ARL8B: variants seen among roughly 807,000 people sequenced by gnomAD.
ARL8B encodes the protein ADP-ribosylation factor-like protein 8B.
Under a neutral mutation model 30.6 loss-of-function variants are expected in ARL8B, and 9 were observed. The observed-to-expected ratio is 0.29, with a 90% CI of 0.18 to 0.51. The LOEUF (loss-of-function observed/expected upper bound fraction) is 0.51. Among genes scored for constraint, ARL8B ranks in the 20% least tolerant of loss-of-function variants. The pLI is 0.97. For missense variants in ARL8B, 130 were observed against 227.2 expected (o/e 0.57, Z 2.75); for synonymous variants, 74 against 76.0 (o/e 0.97, Z 0.14).
intron 1 of ARL8B, among the ~76,000 whole-genome samples, chr3:5,149,056 C>T (rs2054455371): frequency 6.6e-6 from 1 of 152,220 alleles, no homozygotes. Context: ...GTTTGCGTCG[C>T]AGGAGAACGG....
At position 5,126,596 on chromosome 3, in the gene ARL8B, A is replaced by G. The variant is rs116920559; in HGVS notation, c.123+4008A>G. 4.6e-5 allele frequency among the ~76,000 whole-genome samples: 7 copies of G among 152,336 alleles called. No homozygotes were observed. In the East Asian group the frequency reaches 1.2e-3, roughly 25 times the overall value. Reference sequence around the variant, plus strand: ...GGGTTTGGTTTGAGTCTAAAAGATAATGCAGCTTAGTTACAGAATGCTCAG... The same window carrying G: ...GGGTTTGGTTTGAGTCTAAAAGATAGTGCAGCTTAGTTACAGAATGCTCAG... On this transcript the variant is annotated intron_variant, in intron 1 of 6. Transcript: ENST00000256496.
intron 1 of ARL8B, among the ~76,000 whole-genome samples, chr3:5,130,011 G>A (rs1040627385): frequency 6.6e-6 from 1 of 151,804 alleles, no homozygotes; most frequent in African/African-American, 2.4e-5. Context: ...CTACAGGCAC[G>A]TGCCACCACA....
chr3:5,167,253 C>A (rs941274150), intron 1 of ARL8B, among the ~76,000 whole-genome samples: 1 of 152,242 alleles, frequency 6.6e-6, no homozygotes. Flanking sequence ...CAGCGAGTGC[C>A]ACGTGTGATC....
intron 1 of ARL8B, among the ~76,000 whole-genome samples, chr3:5,136,087 CTAT>C (rs1190815612): frequency 6.6e-6 from 1 of 150,950 alleles, no homozygotes; most frequent in Non-Finnish European, 1.5e-5. Context: ...CACGCCTGGC[CTAT>C]TATTATTATT....
rs761829672 is a variant in ARL8B at position 5,122,594 on chromosome 3, C to T, written c.123+6C>T. ...CCTTCGTCAATGTCATCGCGGTGAG[C>T]GCCCGCCCACTCACTCGCCCGGGGC... On this transcript the variant is annotated splice_donor_region_variant and intron_variant, in intron 1 of 6. Coordinates refer to ENST00000256496, the MANE Select transcript of ARL8B (RefSeq NM_018184.3). 6.9e-6 allele frequency: 11 copies of T among 1,594,324 alleles called. No individual in the cohort carries two copies. Among genetic ancestry groups the T allele is most frequent in the Admixed American group, 1.7e-5 (1 of 58,630 alleles).
chr3:5,129,842 GCCACATTCT>G (rs1182729442), intron 1 of ARL8B, among the ~76,000 whole-genome samples: 1 of 152,056 alleles, frequency 6.6e-6, no homozygotes, highest in African/African-American at 2.4e-5. Context: ...ACATAGTGAG[GCCACATTCT>G]CCACATTCTC....
chr3:5,139,986 T>A (rs966583991), intron 1 of ARL8B, among the ~76,000 whole-genome samples: 51 of 137,578 alleles, frequency 3.7e-4, no homozygotes, highest in African/African-American at 1.5e-3. Context: ...TGATTAGTTT[T>A]GTTTTTTTTT....
At chr3:5,153,791 C>A (rs1350926282) in intron 1 of ARL8B, among the ~76,000 whole-genome samples, 2 of 152,222 alleles carry the variant, frequency 1.3e-5, no homozygotes, top group East Asian at 3.9e-4. Context: ...TGGAGAACTT[C>A]CTTTAACATT....
intron 1 of ARL8B, among the ~76,000 whole-genome samples, chr3:5,159,595 TCC>T (rs2054562896): frequency 1.6e-5 from 1 of 61,472 alleles, no homozygotes; most frequent in Non-Finnish European, 2.9e-5. Context: ...AGAATGAAAC[TCC>T]GTCTCAAAAA....
chr3:5,143,450 C>G (rs1439568873), intron 1 of ARL8B, among the ~76,000 whole-genome samples: 4 of 152,234 alleles, frequency 2.6e-5, no homozygotes, highest in Admixed American at 6.5e-5. Context: ...TCCACTTCTT[C>G]AGGATCAGTA....
intron 1 of ARL8B, among the ~76,000 whole-genome samples, chr3:5,169,982 C>T (rs530148500): frequency 6.6e-6 from 1 of 152,076 alleles, no homozygotes; most frequent in African/African-American, 2.4e-5. Context: ...CCATAGCAGA[C>T]AATACTCATG....
intron 3 of ARL8B, among the ~76,000 whole-genome samples, 200 bp downstream of exon 3, chr3:5,172,423 A>C (rs2054684747): frequency 6.6e-6 from 1 of 152,170 alleles, no homozygotes; most frequent in Admixed American, 6.5e-5. Flanking sequence ...TTGTTTATGG[A>C]GCTAAGAGCT....
At chr3:5,137,597 C>T (rs1374588463) in intron 1 of ARL8B, among the ~76,000 whole-genome samples, 1 of 151,944 alleles carries the variant, frequency 6.6e-6, no homozygotes, top group Non-Finnish European at 1.5e-5. Flanking sequence ...CACCACCATG[C>T]CTGGGTAATT....
intron 1 of ARL8B, among the ~76,000 whole-genome samples, chr3:5,131,582 G>A (rs898564235): frequency 6.6e-6 from 1 of 151,718 alleles, no homozygotes; most frequent in East Asian, 2.0e-4. Context: ...GTAGAGACAG[G>A]GTTTCACGAT....
At chr3:5,151,249 A>G (rs1275554722) in intron 1 of ARL8B, among the ~76,000 whole-genome samples, 1 of 152,020 alleles carries the variant, frequency 6.6e-6, no homozygotes, top group African/African-American at 2.4e-5. Context: ...TGGGGGGCTT[A>G]GATTGTTAAT....
chr3:5,129,664 A>G (rs1273335794), intron 1 of ARL8B, among the ~76,000 whole-genome samples: 1 of 151,862 alleles, frequency 6.6e-6, no homozygotes, highest in Non-Finnish European at 1.5e-5. Context: ...CCCCCACCAT[A>G]GCCTCCCAAG....
At chr3:5,159,883 A>G (rs975040451) in intron 1 of ARL8B, among the ~76,000 whole-genome samples, 3 of 152,192 alleles carry the variant, frequency 2.0e-5, no homozygotes, top group Admixed American at 6.5e-5. Flanking sequence ...AAACTTCTAA[A>G]TAAAGTTATT....
At chr3:5,168,763 G>T (rs1487356894) in intron 1 of ARL8B, among the ~76,000 whole-genome samples, 1 of 152,158 alleles carries the variant, frequency 6.6e-6, no homozygotes, top group African/African-American at 2.4e-5. Flanking sequence ...GTTGTTTGTG[G>T]GAAGTTAGCC....
At chr3:5,147,289 C>A (rs1158113716) in intron 1 of ARL8B, among the ~76,000 whole-genome samples, 1 of 152,092 alleles carries the variant, frequency 6.6e-6, no homozygotes, top group Non-Finnish European at 1.5e-5. Context: ...CTGTCCTTGG[C>A]GATAGTTTGC....
Sources: gnomAD v4.1 joint callset for allele counts (sites outside exome capture counted in the v4.1 genomes callset) on GRCh38, gnomAD v4.1.1 for gene constraint, MANE v1.5 for transcripts, NCBI Gene and HGNC (gene_info 2026-07-23, HGNC 2026-07-21) for gene names.